The following EIF2S3 variants were observed in gnomAD, a reference collection of about 807,000 sequenced individuals.
The protein encoded by EIF2S3 is eukaryotic translation initiation factor 2 subunit 3.
In EIF2S3, 2 loss-of-function variants were observed where a neutral mutation model predicts 31.7. That is an observed-to-expected ratio of 0.06 (90% CI 0.03 to 0.20). The LOEUF (loss-of-function observed/expected upper bound fraction) is 0.20, where lower values mean the gene tolerates loss of function less well. EIF2S3 is among the 10% of genes least tolerant of loss of function. The pLI, the probability that EIF2S3 is intolerant of heterozygous loss-of-function variation, is 1.00. For missense variants in EIF2S3, 96 were observed against 359.3 expected, an observed-to-expected ratio of 0.27 and a Z score of 5.92; for synonymous variants, 120 against 126.7, an observed-to-expected ratio of 0.95 and a Z score of 0.36.
At chrX:24,070,041 G>A (rs1346712025) in intron 9 of EIF2S3, among the ~76,000 whole-genome samples, 1 of 110,063 alleles carries the variant, frequency 9.1e-6, no homozygotes, top group Admixed American at 9.8e-5. Flanking sequence ...AACCCCCATA[G>A]AGCCATCACT....
At chrX:24,059,021 G>A (rs988921658) in intron 4 of EIF2S3, among the ~76,000 whole-genome samples, 86 of 111,759 alleles carry the variant, frequency 7.7e-4, no homozygotes, top group African/African-American at 2.7e-3. Context: ...CTCCATGCCC[G>A]GCCATTTTCC....
chrX:24,063,964 CTAATA>C (rs999151162), intron 6 of EIF2S3, among the ~76,000 whole-genome samples: 12 of 111,529 alleles, frequency 1.1e-4, no homozygotes, highest in African/African-American at 2.6e-4. Context: ...AGTATGTCTA[CTAATA>C]TAATGTAACA....
chrX:24,068,587 G>A (rs182384288), intron 9 of EIF2S3, among the ~76,000 whole-genome samples: 3 of 110,479 alleles, frequency 2.7e-5, no homozygotes, highest in East Asian at 5.7e-4. Context: ...TGGGACTACA[G>A]GCACATGCTG....
In EIF2S3 at chrX:24,057,368, A is replaced by G. The variant is rs1930419880; in HGVS notation, c.134-53A>G. The G allele has an allele frequency of 2.6e-6, 3 of 1,158,349 alleles. No individual in the cohort carries two copies. In the Admixed American group the frequency reaches 8.0e-5, roughly 31 times the overall value. On this transcript the variant is annotated intron_variant, in intron 2 of 11. Coordinates refer to ENST00000253039, the MANE Select transcript of EIF2S3 (RefSeq NM_001415.4). The stretch of plus-strand genomic sequence containing the variant: ...TACTCTTAACACTATTTGAAAAAAT[A>G]TTTGGTATGTAATTAAATACACATG...
chrX:24,056,163 G>A (rs370977536), intron 2 of EIF2S3, among the ~76,000 whole-genome samples: 1 of 111,950 alleles, frequency 8.9e-6, no homozygotes. Flanking sequence ...ACGAAAGTAA[G>A]TTAAAAAGTA....
intron 9 of EIF2S3, among the ~76,000 whole-genome samples, chrX:24,068,468 G>T (rs1426844418): frequency 2.8e-5 from 3 of 107,604 alleles, no homozygotes; most frequent in African/African-American, 1.0e-4. Context: ...TTTGGGAGAT[G>T]GAGTCTCGCT....
At position 24,057,562 on chromosome X, in the gene EIF2S3, T is replaced by A; in HGVS notation, c.261+14T>A. On this transcript the variant is annotated intron_variant, in intron 3 of 11. Transcript: ENST00000253039. ...GCTAATGCTAAGGTAAGCTGTGTAC[T>A]GTGGAACGAGAAACTAACTTTAATT... 1 of 1,207,560 alleles carries A rather than the reference T, an allele frequency of 8.3e-7. No individual in the cohort carries two copies. Among genetic ancestry groups the A allele is most frequent in the Non-Finnish European group, 1.1e-6 (1 of 893,576 alleles).
rs771201614 is a variant in EIF2S3, at chrX:24,067,924, C to T, written c.868-40C>T. On this transcript the variant is annotated intron_variant, in intron 8 of 11. Transcript: ENST00000253039. ...TTTTGATAGGTAAATGATAATTTTG[C>T]GTAACACAGTAATTCTAATTACTAA... 15 of 1,132,399 alleles carry T rather than the reference C, an allele frequency of 1.3e-5. No individual in the cohort carries two copies. The Admixed American group carries it at 2.3e-4, about 17-fold the overall frequency. 93.3% of individuals were successfully genotyped at this position (1,132,399 alleles called of 1,213,427 possible).
intron 7 of EIF2S3, among the ~76,000 whole-genome samples, chrX:24,064,685 T>A (rs1408659515): frequency 9.0e-6 from 1 of 111,481 alleles, no homozygotes; most frequent in East Asian, 2.8e-4. Context: ...AAAAATTAAC[T>A]GGGCATGGTG....
chrX:24,068,083 A>G lies in EIF2S3; in HGVS notation c.987A>G (p.Gln329=). ...VSLFAEHNDL[Q]YAAPGGLIGV... The stretch of plus-strand genomic sequence containing the variant: ...TTTTTGCGGAGCATAATGATCTGCA[A>G]TATGCTGCTCCAGGCGGTCTTATTG... The change falls in exon 9 of 12, where the codon CAA becomes CAG. Residue 329 remains glutamine (Q), a synonymous_variant. Transcript: ENST00000253039. 1 of 1,194,212 alleles carries G rather than the reference A, an allele frequency of 8.4e-7. No individual in the cohort carries two copies.
intron 6 of EIF2S3, among the ~76,000 whole-genome samples, chrX:24,063,271 T>A: frequency 9.0e-6 from 1 of 111,634 alleles, no homozygotes; most frequent in Non-Finnish European, 1.9e-5. Flanking sequence ...ATCTCTAGAG[T>A]GTCCCTTCTC....
chrX:24,055,176 C>G (rs1038043984), intron 1 of EIF2S3, 139 bp downstream of exon 1: 3 of 675,533 alleles, frequency 4.4e-6, no homozygotes, highest in Non-Finnish European at 6.6e-6. Flanking sequence ...ACTGGGCGCC[C>G]TAAGCCATGC....
In EIF2S3 at chrX:24,057,281, G is replaced by A. The variant is rs956471778; in HGVS notation, c.134-140G>A. 32 of 717,904 alleles carry A rather than the reference G, an allele frequency of 4.5e-5. No homozygotes were observed. The African/African-American group carries it at 4.8e-4, about 11-fold the overall frequency. 59.2% of individuals were successfully genotyped at this position (717,904 alleles called of 1,213,427 possible). A position where few individuals can be genotyped will look rare whatever the true frequency, so the allele number is the denominator to read the frequency against. ...CTTGACCTTGTGATCCACCCACCTCGGCCTCCCAAAGTGCTGGGATTACTG... is the reference window on the plus strand; with the variant it reads ...CTTGACCTTGTGATCCACCCACCTCAGCCTCCCAAAGTGCTGGGATTACTG... On this transcript the variant is annotated intron_variant, in intron 2 of 11. Transcript: ENST00000253039.
At chrX:24,062,742 T>C (rs1376597567) in intron 6 of EIF2S3, 168 bp downstream of exon 6, 4 of 427,547 alleles carry the variant, frequency 9.4e-6, no homozygotes, top group South Asian at 1.4e-4. Flanking sequence ...ATATAACTAA[T>C]GAAACCTGTG....
At chrX:24,058,263 G>T (rs892170255) in intron 4 of EIF2S3, among the ~76,000 whole-genome samples, 6 of 111,980 alleles carry the variant, frequency 5.4e-5, no homozygotes, top group African/African-American at 1.6e-4. Flanking sequence ...GACAAGTGAG[G>T]CCTTCACCTC....
At chrX:24,065,891 T>G in intron 7 of EIF2S3, 107 bp from the exon 8 acceptor site, 1 of 640,695 alleles carries the variant, frequency 1.6e-6, no homozygotes, top group Non-Finnish European at 2.4e-6. Flanking sequence ...AGGCACCCCT[T>G]TGGTATAAAT....
At position 24,066,351 on chromosome X, in the gene EIF2S3, C is replaced by T. The variant is rs1930572828; in HGVS notation, c.867+259C>T. Among the ~76,000 whole-genome samples the T allele has an allele frequency of 3.6e-5, 4 of 109,646 alleles. 1 individual carries two copies. On this transcript the variant is annotated intron_variant, in intron 8 of 11. Coordinates refer to ENST00000253039, the MANE Select transcript of EIF2S3 (RefSeq NM_001415.4). ...TCATGAGATCCACCTTTTTAGCTTC[C>T]ACATATACAGATGAGTGAGAATGTG...
At chrX:24,065,758 C>T (rs1569279198) in intron 7 of EIF2S3, among the ~76,000 whole-genome samples, 1 of 111,825 alleles carries the variant, frequency 8.9e-6, no homozygotes, top group Admixed American at 9.6e-5. Flanking sequence ...TTAATAGCTG[C>T]GTGATGCTCT....
intron 1 of EIF2S3, 83 bp downstream of exon 1, chrX:24,055,120 T>TGTCGGGAGCATGG: frequency 1.9e-6 from 2 of 1,069,864 alleles, no homozygotes; most frequent in South Asian, 1.9e-5. Context: ...GACTAGTCAG[T>TGTCGGGAGCATGG]GTCGGGAGCA....
Sources: gnomAD v4.1 joint callset for allele counts (sites outside exome capture counted in the v4.1 genomes callset) on GRCh38, gnomAD v4.1.1 for gene constraint, MANE v1.5 for transcripts, NCBI Gene and HGNC (gene_info 2026-07-23, HGNC 2026-07-21) for gene names.